TTC39C: variants seen among roughly 807,000 people sequenced by gnomAD.
TTC39C encodes tetratricopeptide repeat protein 39C.
TTC39C carries 33 observed loss-of-function variants against 76.3 expected under a neutral mutation model. The ratio of observed to expected loss-of-function variants is 0.43; its 90% CI spans 0.33 to 0.58. The LOEUF is 0.58. Ranked by LOEUF, TTC39C falls within the 20% of genes least tolerant of loss-of-function variation. TTC39C has a pLI of 0.04. For missense variants in TTC39C, 595 were observed against 701.4 expected (o/e 0.85, Z 1.71); for synonymous variants, 254 against 260.6 (o/e 0.97, Z 0.24).
chr18:24,110,933 A>AAGTC, intron 6 of TTC39C, among the ~76,000 whole-genome samples: 1 of 152,276 alleles, frequency 6.6e-6, no homozygotes, highest in South Asian at 2.1e-4. Flanking sequence ...AGATGGCACT[A>AAGTC]AGTCAGTCCT....
At chr18:24,092,092 CAAAAAA>C (rs74171390) in intron 6 of TTC39C, among the ~76,000 whole-genome samples, 5 of 67,600 alleles carry the variant, frequency 7.4e-5, no homozygotes, top group African/African-American at 1.8e-4. Context: ...GACTCAGTCT[CAAAAAA>C]AAAAAAAAAA....
upstream of TTC39C, among the ~76,000 whole-genome samples, chr18:24,012,543 GTTTT>G (rs1450753207): frequency 6.6e-6 from 1 of 152,098 alleles, no homozygotes; most frequent in African/African-American, 2.4e-5. Context: ...TGAAATTCTT[GTTTT>G]TTCTTCCCAG....
intron 6 of TTC39C, among the ~76,000 whole-genome samples, chr18:24,102,588 C>A (rs117438314): frequency 6.6e-6 from 1 of 152,030 alleles, no homozygotes; most frequent in East Asian, 1.9e-4. Flanking sequence ...GGCTGTGGGG[C>A]GGGGAGGTCC....
At chr18:24,060,654 C>G (rs1258510943) in intron 1 of TTC39C, among the ~76,000 whole-genome samples, 2 of 152,170 alleles carry the variant, frequency 1.3e-5, no homozygotes, top group African/African-American at 4.8e-5. Flanking sequence ...TTTTATTCTT[C>G]CAGTTTGTAT....
chr18:23,993,266 A>T lies in TTC39C; in HGVS notation c.-17+228A>T, dbSNP rs1022816146. On this transcript the variant is annotated intron_variant, in intron 1 of 13. Coordinates refer to the TTC39C transcript ENST00000304621. Reference sequence around the variant, plus strand: ...CATAAAAACGTGGCAAGACTTTCTCAGTGCCATTCTTTAAAATCTCTGCTA... The same window carrying T: ...CATAAAAACGTGGCAAGACTTTCTCTGTGCCATTCTTTAAAATCTCTGCTA... 3.9e-5 allele frequency among the ~76,000 whole-genome samples: 6 copies of T among 152,380 alleles called. No individual in the cohort carries two copies. The East Asian group carries it at 1.2e-3, about 29-fold the overall frequency.
At chr18:24,107,888 AG>A (rs34882392) in intron 6 of TTC39C, among the ~76,000 whole-genome samples, 25 of 136,386 alleles carry the variant, frequency 1.8e-4, no homozygotes, top group East Asian at 9.2e-4. Context: ...CCTCCCAAGT[AG>A]GGGGGGGGGT....
chr18:24,055,658 G>A (rs1288461600), intron 1 of TTC39C, among the ~76,000 whole-genome samples: 4 of 152,076 alleles, frequency 2.6e-5, no homozygotes, highest in African/African-American at 9.7e-5. Context: ...TATATGATTT[G>A]CAAATATTTT....
chr18:24,016,726 G>A (rs186546053), intron 1 of TTC39C: 2 of 398,570 alleles, frequency 5.0e-6, no homozygotes, highest in East Asian at 7.1e-5. Context: ...CCCCTTCAAA[G>A]ATACTTCTCT....
intron 6 of TTC39C, among the ~76,000 whole-genome samples, chr18:24,096,631 G>A (rs557885494): frequency 4.6e-4 from 70 of 152,186 alleles, no homozygotes; most frequent in African/African-American, 1.1e-3. Context: ...AGGGATGTGC[G>A]TTTGTTTCGA....
At chr18:24,113,746 T>C in intron 6 of TTC39C, 1 of 698,640 alleles carries the variant, frequency 1.4e-6, no homozygotes, top group Non-Finnish European at 2.6e-6. Flanking sequence ...GCTGCTCCTC[T>C]TGGGTACTTG....
chr18:24,059,958 C>G (rs536731472), intron 1 of TTC39C, among the ~76,000 whole-genome samples: 6 of 152,246 alleles, frequency 3.9e-5, no homozygotes, highest in East Asian at 1.9e-4. Context: ...GGGGAAATGC[C>G]TTATAAAACA....
At chr18:24,019,042 G>C (rs1251540022) in intron 1 of TTC39C, among the ~76,000 whole-genome samples, 1 of 152,180 alleles carries the variant, frequency 6.6e-6, no homozygotes, top group African/African-American at 2.4e-5. Context: ...TGGGACTTCA[G>C]GATCCTAACG....
At chr18:23,997,023 C>T (rs754770649) in intron 1 of TTC39C, among the ~76,000 whole-genome samples, 5 of 152,144 alleles carry the variant, frequency 3.3e-5, no homozygotes, top group Non-Finnish European at 4.4e-5. Flanking sequence ...ACAGGAGAAT[C>T]ACTTGAATCC....
At chr18:24,024,410 T>C (rs558241823) in intron 1 of TTC39C, among the ~76,000 whole-genome samples, 10 of 151,952 alleles carry the variant, frequency 6.6e-5, no homozygotes, top group Non-Finnish European at 8.8e-5. Flanking sequence ...GAAATTTGGA[T>C]TTAGGAGAAG....
At chr18:24,047,307 G>A (rs1411172736) in intron 1 of TTC39C, among the ~76,000 whole-genome samples, 5 of 149,820 alleles carry the variant, frequency 3.3e-5, no homozygotes, top group African/African-American at 1.3e-4. Flanking sequence ...TGGCCAGGCT[G>A]ATCTCGAACT....
In TTC39C at chr18:24,123,846, C is replaced by A; in HGVS notation, c.1199C>A (p.Ala400Asp). The A allele has an allele frequency of 6.2e-7, 1 of 1,608,606 alleles. No homozygotes were observed. The highest frequency in any genetic ancestry group is 8.5e-7 in the Non-Finnish European group (1 of 1,178,534). The change falls in exon 9 of 14, where the codon GCC becomes GAC. Residue 400 changes from alanine (A) to aspartate (D), a missense_variant. Physicochemically the swap from Ala to Asp is moderately radical, Grantham distance 126. Coordinates refer to ENST00000317571, the MANE Select transcript of TTC39C (RefSeq NM_001135993.2). ...YAYLTAVCQG[A>D]TGDVDGAQIV... ...TGGTTTCTTACAGTTTGTCAGGGAG[C>A]CACTGGTGATGTGGATGGGGCACAG...
chr18:24,084,591 T>C (rs993297036), intron 6 of TTC39C, among the ~76,000 whole-genome samples: 9 of 152,188 alleles, frequency 5.9e-5, no homozygotes, highest in African/African-American at 2.2e-4. Flanking sequence ...TATCTTGCAA[T>C]TGTTTTTCTT....
At chr18:24,068,593 A>G (rs575481452) in intron 3 of TTC39C, among the ~76,000 whole-genome samples, 9 of 152,316 alleles carry the variant, frequency 5.9e-5, no homozygotes, top group African/African-American at 1.9e-4. Context: ...GACTTTTTGC[A>G]TATTTGTATT....
At chr18:24,127,483 A>G (rs1318151122) in intron 10 of TTC39C, among the ~76,000 whole-genome samples, 1 of 151,926 alleles carries the variant, frequency 6.6e-6, no homozygotes. Flanking sequence ...GCCCTTCTCC[A>G]CTGGATTCTT....
Sources: allele counts gnomAD v4.1 joint callset (sites outside exome capture counted in the v4.1 genomes callset), GRCh38; gene constraint gnomAD v4.1.1; transcripts MANE v1.5; gene names NCBI Gene and HGNC (gene_info 2026-07-23, HGNC 2026-07-21).